DPF3: variants seen among roughly 807,000 people sequenced by gnomAD.
DPF3 encodes double PHD fingers 3, also known as zinc finger protein DPF3.
DPF3 carries 18 observed loss-of-function variants against 56.8 expected under a neutral mutation model. That is an observed-to-expected ratio of 0.32 (90% CI 0.22 to 0.47). DPF3 has a LOEUF of 0.47. Ranked by LOEUF, DPF3 falls within the 20% of genes least tolerant of loss-of-function variation. The pLI is 1.00. For missense variants in DPF3, 403 were observed against 488.8 expected (o/e 0.82, Z 1.65); for synonymous variants, 188 against 180.2 (o/e 1.04, Z -0.35).
intron 2 of DPF3, 26 bp from the exon 3 acceptor site, chr14:72,753,397 T>A: frequency 6.3e-7 from 1 of 1,579,710 alleles, no homozygotes; most frequent in Non-Finnish European, 8.6e-7. Flanking sequence ...ATATAAAGAT[T>A]AAAGGCTCCA....
intron 1 of DPF3, among the ~76,000 whole-genome samples, chr14:72,837,464 G>A (rs977834019): frequency 6.6e-6 from 1 of 152,020 alleles, no homozygotes; most frequent in African/African-American, 2.4e-5. Flanking sequence ...ATGGCCAGGC[G>A]TGGTGGCTCA....
Position 72,631,288 on chromosome 14 carries a change from C to T in DPF3, c.872-1552G>A, listed in dbSNP as rs562548334. ...CTTCCGCAGCTCTGAACTAATAACC[C>T]TCTCAAGGTGATACCATCACAGTGG... is the stretch of plus-strand genomic sequence containing the variant. On this transcript the variant is annotated intron_variant, in intron 8 of 10. Coordinates refer to ENST00000556509, the MANE Select transcript of DPF3 (RefSeq NM_001280542.3). Among the ~76,000 whole-genome samples, 7 of 152,286 alleles carry T rather than the reference C, an allele frequency of 4.6e-5. No homozygotes were observed. In the South Asian group the frequency reaches 1.5e-3, roughly 32 times the overall value.
intron 8 of DPF3, among the ~76,000 whole-genome samples, chr14:72,669,496 T>G (rs1261571741): frequency 6.6e-6 from 1 of 152,180 alleles, no homozygotes; most frequent in Non-Finnish European, 1.5e-5. Context: ...GTTTTGAAAT[T>G]GGTACCGAGA....
chr14:72,620,080 G>A (rs987926869), intron 9 of DPF3, 96 bp from the exon 10 acceptor site: 6 of 1,283,568 alleles, frequency 4.7e-6, no homozygotes, highest in Non-Finnish European at 6.2e-6. Flanking sequence ...TTTCCACGTC[G>A]GTCTCACTGG....
intron 1 of DPF3, among the ~76,000 whole-genome samples, chr14:72,775,521 C>G (rs1414805512): frequency 2.0e-5 from 3 of 152,212 alleles, no homozygotes; most frequent in African/African-American, 4.8e-5. Flanking sequence ...TTAATTTCAT[C>G]TTAAATACTT....
chr14:72,848,983 C>T (rs1884865936), intron 1 of DPF3, among the ~76,000 whole-genome samples: 1 of 152,178 alleles, frequency 6.6e-6, no homozygotes, highest in South Asian at 2.1e-4. Context: ...TCATTCAATT[C>T]TCACAATAAC....
rs1402276971 is a variant in DPF3, at chr14:72,756,889, G to GA, written c.194-3519dup. On this transcript the variant is annotated intron_variant, in intron 2 of 10. Coordinates refer to ENST00000556509, the MANE Select transcript of DPF3 (RefSeq NM_001280542.3). The stretch of plus-strand genomic sequence containing the variant: ...GAAAGAAAGGAAGGAAAGAAGGAAA[G>GA]AAAGAAAGAAAAGAAAAAAAGAAAG... 4.3e-4 allele frequency among the ~76,000 whole-genome samples: 38 copies of GA among 88,350 alleles called. 1 individual carries two copies. Among genetic ancestry groups the GA allele is most frequent in the African/African-American group, 1.6e-3 (32 of 19,650 alleles). The allele number at this position is 88,350 out of a possible 152,430, so 58.0% of individuals were successfully genotyped here.
At chr14:72,728,460 G>A (rs1005271472) in intron 4 of DPF3, among the ~76,000 whole-genome samples, 1 of 152,122 alleles carries the variant, frequency 6.6e-6, no homozygotes, top group Non-Finnish European at 1.5e-5. Flanking sequence ...AAGGAGTAGT[G>A]GAAAATAAGC....
At chr14:72,881,294 CTGT>C (rs10545910) in intron 1 of DPF3, among the ~76,000 whole-genome samples, 45,349 of 150,952 alleles carry the variant, frequency 0.3, 7,198 homozygotes, top group East Asian at 0.55. Context: ...AAATTCAGAG[CTGT>C]TGTTGTTGTT....
intron 1 of DPF3, among the ~76,000 whole-genome samples, chr14:72,778,608 C>G (rs549905840): frequency 6.6e-6 from 1 of 152,266 alleles, no homozygotes; most frequent in Non-Finnish European, 1.5e-5. Flanking sequence ...CCTCCCCGAC[C>G]CCAGTCGGTG....
chr14:72,888,047 T>G (rs6574104), intron 1 of DPF3, among the ~76,000 whole-genome samples: 144,444 of 152,172 alleles, frequency 0.95, 68,624 homozygotes, highest in East Asian at 1. Context: ...GGGTGCAAAG[T>G]GGGGATTAGA....
At chr14:72,746,235 G>A (rs1342223608) in intron 3 of DPF3, among the ~76,000 whole-genome samples, 1 of 152,264 alleles carries the variant, frequency 6.6e-6, no homozygotes, top group African/African-American at 2.4e-5. Context: ...TGGGAAGACA[G>A]TGGGTACATT....
chr14:72,867,617 G>A (rs1343330841), intron 1 of DPF3, among the ~76,000 whole-genome samples: 2 of 152,214 alleles, frequency 1.3e-5, no homozygotes, highest in Non-Finnish European at 1.5e-5. Context: ...TGCAAAGTCT[G>A]AACAATTGAA....
At chr14:72,707,936 T>C (rs1368943941) in intron 6 of DPF3, among the ~76,000 whole-genome samples, 1 of 151,988 alleles carries the variant, frequency 6.6e-6, no homozygotes, top group Non-Finnish European at 1.5e-5. Flanking sequence ...AATGAACAAA[T>C]ACTATTTCCA....
intron 1 of DPF3, among the ~76,000 whole-genome samples, chr14:72,828,369 A>G (rs1883904996): frequency 6.6e-6 from 1 of 151,900 alleles, no homozygotes; most frequent in African/African-American, 2.4e-5. Flanking sequence ...GAAGATTGAG[A>G]CAAGCATTAA....
At chr14:72,646,154 A>G (rs1013607013) in intron 8 of DPF3, among the ~76,000 whole-genome samples, 6 of 152,218 alleles carry the variant, frequency 3.9e-5, no homozygotes, top group Non-Finnish European at 8.8e-5. Flanking sequence ...AACTCTCATC[A>G]AAGGAGTGAA....
At position 72,700,623 on chromosome 14, in the gene DPF3, T is replaced by A. The variant is rs1441791152; in HGVS notation, c.605-7410A>T. 2.0e-5 allele frequency among the ~76,000 whole-genome samples: 3 copies of A among 152,186 alleles called. 1 individual carries two copies. Among genetic ancestry groups the A allele is most frequent in the Non-Finnish European group, 4.4e-5 (3 of 68,028 alleles). On this transcript the variant is annotated intron_variant, in intron 6 of 10. Coordinates refer to ENST00000556509, the MANE Select transcript of DPF3 (RefSeq NM_001280542.3). Reference sequence around the variant, plus strand: ...CTCAGTGCCATCAACCACCCAGGCCTGGCTTCTAGATCGGCTCTGCCCTCA... The same window carrying A: ...CTCAGTGCCATCAACCACCCAGGCCAGGCTTCTAGATCGGCTCTGCCCTCA...
chr14:72,744,825 C>G (rs1890261279), intron 3 of DPF3, among the ~76,000 whole-genome samples: 2 of 152,070 alleles, frequency 1.3e-5, no homozygotes, highest in South Asian at 2.1e-4. Flanking sequence ...TCCTCACTGT[C>G]CATAGGAGAG....
intron 5 of DPF3, among the ~76,000 whole-genome samples, chr14:72,716,004 C>G (rs1888909286): frequency 6.6e-6 from 1 of 151,810 alleles, no homozygotes; most frequent in Admixed American, 6.6e-5. Flanking sequence ...CTCAGCTGCC[C>G]TCCCCCTCCA....
Sources: allele counts gnomAD v4.1 joint callset (sites outside exome capture counted in the v4.1 genomes callset), GRCh38; gene constraint gnomAD v4.1.1; transcripts MANE v1.5; gene names NCBI Gene and HGNC (gene_info 2026-07-23, HGNC 2026-07-21).